MBD5: variants seen among roughly 807,000 people sequenced by gnomAD.
The protein encoded by MBD5 is methyl-CpG-binding domain protein 5.
A neutral mutation model predicts 117.3 loss-of-function variants in MBD5; 13 were observed. The ratio of observed to expected loss-of-function variants is 0.11; its 90% confidence interval spans 0.07 to 0.18. The LOEUF (loss-of-function observed/expected upper bound fraction) is 0.18, where lower values mean the gene tolerates loss of function less well. Ranked by LOEUF, MBD5 falls within the 10% of genes least tolerant of loss-of-function variation. The pLI, the probability that MBD5 is intolerant of heterozygous loss-of-function variation, is 1.00. For synonymous variants in MBD5, 727 were observed against 766.4 expected (o/e 0.95, Z 0.85); for missense variants, 1,879 against 2,093.8 (o/e 0.90, Z 2.00).
intron 13 of MBD5, among the ~76,000 whole-genome samples, chr2:148,510,637 C>G (rs1682188522): frequency 6.6e-6 from 1 of 152,164 alleles, no homozygotes; most frequent in African/African-American, 2.4e-5. Flanking sequence ...GATGTAAATA[C>G]TTAAAATATA....
chr2:148,068,775 T>C (rs957467418), intron 1 of MBD5, among the ~76,000 whole-genome samples: 6 of 152,222 alleles, frequency 3.9e-5, no homozygotes, highest in African/African-American at 1.4e-4. Flanking sequence ...AGTGGATACA[T>C]TATTTCACTC....
intron 2 of MBD5, among the ~76,000 whole-genome samples, chr2:148,179,227 C>T (rs1306493742): frequency 1.3e-5 from 2 of 151,702 alleles, no homozygotes; most frequent in East Asian, 3.9e-4. Flanking sequence ...TGGTGGCAGG[C>T]GCGTGTAGTC....
chr2:148,228,452 G>A (rs1207271531), intron 2 of MBD5, among the ~76,000 whole-genome samples: 2 of 152,188 alleles, frequency 1.3e-5, no homozygotes, highest in Non-Finnish European at 2.9e-5. Flanking sequence ...TGCATCCCAG[G>A]GATGAAGCCC....
intron 1 of MBD5, among the ~76,000 whole-genome samples, chr2:148,085,509 G>T (rs900115363): frequency 1.3e-5 from 2 of 151,898 alleles, no homozygotes; most frequent in Non-Finnish European, 2.9e-5. Context: ...CGGATCACGA[G>T]GTCAGGAGAT....
intron 1 of MBD5, chr2:148,071,322 GTATGTGTAGATATGGGTTTA>G (rs1695351958): frequency 7.7e-6 from 1 of 130,584 alleles, no homozygotes; most frequent in Non-Finnish European, 1.7e-5. Context: ...GTGTGTGTGT[GTATGTGTAGATATGGGTTTA>G]TGTATATGTA....
intron 4 of MBD5, among the ~76,000 whole-genome samples, chr2:148,376,068 A>G (rs975265924): frequency 1.3e-5 from 2 of 150,924 alleles, no homozygotes; most frequent in Admixed American, 6.6e-5. Flanking sequence ...AATAGCATAC[A>G]TACACATACT....
At chr2:148,045,041 C>T (rs553251104) in intron 1 of MBD5, 14 of 152,230 alleles carry the variant, frequency 9.2e-5, no homozygotes, top group South Asian at 4.2e-4. Context: ...GTGGCGCACA[C>T]GTGCACACAT....
chr2:148,384,020 A>T (rs559450688), intron 4 of MBD5, among the ~76,000 whole-genome samples: 1 of 152,280 alleles, frequency 6.6e-6, no homozygotes, highest in Admixed American at 6.5e-5. Flanking sequence ...AATGGACAAA[A>T]ACTGGAAGCA....
At chr2:148,250,693 A>G (rs980440151) in intron 3 of MBD5, among the ~76,000 whole-genome samples, 4 of 152,184 alleles carry the variant, frequency 2.6e-5, no homozygotes, top group African/African-American at 7.2e-5. Flanking sequence ...TGTGCTAGTC[A>G]TTATACTATG....
At chr2:148,087,462 A>G (rs1200580709) in intron 1 of MBD5, among the ~76,000 whole-genome samples, 2 of 152,162 alleles carry the variant, frequency 1.3e-5, no homozygotes, top group Non-Finnish European at 2.9e-5. Context: ...TACAGAGTCT[A>G]CTTCACTCCC....
chr2:148,459,277 G>C (rs1326362798), intron 5 of MBD5, among the ~76,000 whole-genome samples: 1 of 152,006 alleles, frequency 6.6e-6, no homozygotes, highest in Non-Finnish European at 1.5e-5. Flanking sequence ...TCAATTATTA[G>C]ACTTCTTAAT....
chr2:148,065,703 G>C (rs1466424931), intron 1 of MBD5, among the ~76,000 whole-genome samples: 1 of 152,166 alleles, frequency 6.6e-6, no homozygotes, highest in Non-Finnish European at 1.5e-5. Flanking sequence ...TAGGGAATAG[G>C]AACATCACAA....
intron 1 of MBD5, among the ~76,000 whole-genome samples, chr2:148,037,622 A>T (rs1437497465): frequency 6.6e-6 from 1 of 151,950 alleles, no homozygotes; most frequent in Admixed American, 6.6e-5. Context: ...TCATAAGCAG[A>T]AATTTTTCTC....
intron 3 of MBD5, among the ~76,000 whole-genome samples, chr2:148,339,748 A>T (rs1177155185): frequency 5.3e-5 from 8 of 152,278 alleles, no homozygotes; most frequent in East Asian, 1.9e-4. Context: ...CTCTATACAA[A>T]AAATAAATAA....
intron 4 of MBD5, among the ~76,000 whole-genome samples, chr2:148,404,908 T>C (rs1014131068): frequency 3.9e-5 from 6 of 152,184 alleles, no homozygotes; most frequent in Admixed American, 6.5e-5. Context: ...AATATAATTT[T>C]ATTTTTATTT....
At chr2:148,047,723 A>C (rs561526236) in intron 1 of MBD5, among the ~76,000 whole-genome samples, 26 of 152,324 alleles carry the variant, frequency 1.7e-4, no homozygotes, top group African/African-American at 5.5e-4. Flanking sequence ...AAAGAACAGC[A>C]AGCAACCACT....
At chr2:148,383,036 A>G (rs1049785410) in intron 4 of MBD5, among the ~76,000 whole-genome samples, 9 of 152,016 alleles carry the variant, frequency 5.9e-5, no homozygotes, top group Admixed American at 3.3e-4. Context: ...TAACATCACA[A>G]TTAAAAGAAC....
At chr2:148,226,692 A>C (rs1208605151) in intron 2 of MBD5, among the ~76,000 whole-genome samples, 1 of 152,116 alleles carries the variant, frequency 6.6e-6, no homozygotes, top group Non-Finnish European at 1.5e-5. Context: ...CGCCACACCG[A>C]CTTCCACAAT....
chr2:148,066,179 G>A lies in MBD5; in HGVS notation c.-925+44495G>A, dbSNP rs143090134. Among the ~76,000 whole-genome samples, 742 of 152,058 alleles carry A rather than the reference G, an allele frequency of 4.9e-3. 8 individuals are homozygous for A. The highest frequency in any genetic ancestry group is 0.017 in the African/African-American group (716 of 41,464). On this transcript the variant is annotated intron_variant, in intron 1 of 13. Transcript: ENST00000642680. ...AAATGAGCCGAGCATGGTGTTGTGC[G>A]CCTGTCATCGCAGCTACTTGGAAGG...
Sources: allele counts gnomAD v4.1 joint callset (sites outside exome capture counted in the v4.1 genomes callset), GRCh38; gene constraint gnomAD v4.1.1; transcripts MANE v1.5; gene names NCBI Gene and HGNC (gene_info 2026-07-23, HGNC 2026-07-21).